RBM20: variants seen among roughly 807,000 people sequenced by gnomAD.
RBM20 encodes RNA-binding protein 20.
In RBM20, 51 loss-of-function variants were observed where a neutral mutation model predicts 110.1. The observed-to-expected ratio is 0.46, with a 90% CI of 0.37 to 0.59. The LOEUF (loss-of-function observed/expected upper bound fraction) is 0.59. Among genes scored for constraint, RBM20 ranks in the 20% least tolerant of loss-of-function variants. The pLI is 0.00. For missense variants in RBM20, 1,512 were observed against 1,574.9 expected (o/e 0.96, Z 0.68); for synonymous variants, 589 against 618.2 (o/e 0.95, Z 0.70).
chr10:110,824,870 T>C (rs1015518059), intron 12 of RBM20, among the ~76,000 whole-genome samples: 1 of 152,082 alleles, frequency 6.6e-6, no homozygotes, highest in Non-Finnish European at 1.5e-5. Flanking sequence ...AAAGCACGGG[T>C]CATCTGATGC....
chr10:110,796,600 A>T (rs1442010050), intron 5 of RBM20, among the ~76,000 whole-genome samples: 1 of 152,214 alleles, frequency 6.6e-6, no homozygotes, highest in Non-Finnish European at 1.5e-5. Context: ...AAATTAAAAA[A>T]TCAGCTGGGT....
intron 1 of RBM20, among the ~76,000 whole-genome samples, chr10:110,649,116 A>G (rs1448686540): frequency 6.6e-6 from 1 of 152,184 alleles, no homozygotes; most frequent in Non-Finnish European, 1.5e-5. Flanking sequence ...GTGAACTCTG[A>G]TCTGTTAAGA....
At position 110,765,507 on chromosome 10, in the gene RBM20, T is replaced by C. The variant is rs377030074; in HGVS notation, c.192-15294T>C. Among the ~76,000 whole-genome samples, 613 of 152,300 alleles carry C rather than the reference T, an allele frequency of 4.0e-3. 5 individuals carry two copies. Among genetic ancestry groups the C allele is most frequent in the African/African-American group, 0.014 (583 of 41,552 alleles). On this transcript the variant is annotated intron_variant, in intron 1 of 13. Transcript: ENST00000369519. ...GTAAAGTTAAGTGTTTAAACAAAAC[T>C]ATTTTCATTGTCGCCAAGCAAGCAA...
chr10:110,786,723 G>A (rs1844423548), intron 5 of RBM20, among the ~76,000 whole-genome samples: 1 of 152,244 alleles, frequency 6.6e-6, no homozygotes, highest in African/African-American at 2.4e-5. Flanking sequence ...GTGTCCTGAT[G>A]GGGGTGTGGG....
chr10:110,741,008 G>A (rs1014819096), intron 1 of RBM20, among the ~76,000 whole-genome samples: 2 of 151,942 alleles, frequency 1.3e-5, no homozygotes, highest in African/African-American at 4.8e-5. Flanking sequence ...TTTTTGATTG[G>A]GTGGCATTCA....
At chr10:110,661,601 C>A (rs1348307813) in intron 1 of RBM20, among the ~76,000 whole-genome samples, 2 of 152,160 alleles carry the variant, frequency 1.3e-5, no homozygotes, top group East Asian at 1.9e-4. Context: ...GGGCAAAAAT[C>A]AGGGTGTGGA....
chr10:110,756,975 G>A (rs1258803648), intron 1 of RBM20, among the ~76,000 whole-genome samples: 1 of 152,192 alleles, frequency 6.6e-6, no homozygotes, highest in Non-Finnish European at 1.5e-5. Flanking sequence ...CAATTGCCAT[G>A]TGCTCTTTCA....
intron 11 of RBM20, among the ~76,000 whole-genome samples, chr10:110,822,803 C>G (rs1431559370): frequency 6.6e-6 from 1 of 152,164 alleles, no homozygotes; most frequent in East Asian, 1.9e-4. Context: ...TTTTCCATGT[C>G]AAGCTGACCT....
intron 1 of RBM20, among the ~76,000 whole-genome samples, chr10:110,719,652 G>C (rs949596377): frequency 6.6e-6 from 1 of 151,954 alleles, no homozygotes; most frequent in Non-Finnish European, 1.5e-5. Flanking sequence ...TGGCTTCTGA[G>C]TTTTGTGTCT....
At position 110,669,703 on chromosome 10, in the gene RBM20, T is replaced by A. The variant is rs1293091538; in HGVS notation, c.191+25058T>A. On this transcript the variant is annotated intron_variant, in intron 1 of 13. Transcript: ENST00000369519. The stretch of plus-strand genomic sequence containing the variant: ...TCCCAAAGTGTTGGGATTACAGGCA[T>A]GAGCCACTGTATCTGGCCTGGTTGT... 2.0e-5 allele frequency among the ~76,000 whole-genome samples: 3 copies of A among 152,258 alleles called. No individual in the cohort carries two copies. In the East Asian group the frequency reaches 5.8e-4, roughly 29 times the overall value.
Position 110,644,709 on chromosome 10 carries a change from T to A in RBM20, c.191+64T>A, listed in dbSNP as rs1861843724. The A allele has an allele frequency of 4.8e-6, 6 of 1,247,786 alleles. No homozygotes were observed. The allele number at this position is 1,247,786 out of a possible 1,614,324, so 77.3% of individuals were successfully genotyped here. On this transcript the variant is annotated intron_variant, in intron 1 of 13. Transcript: ENST00000369519. This position sits in a 1 kb window ranked among gnomAD's most constrained non-coding sequence, Gnocchi z 4.3. The stretch of plus-strand genomic sequence containing the variant: ...TGGGGACACGCCCCGAGAGCCCCCT[T>A]TGTGGCTTCATTTCCCGTCCCTGCT...
At chr10:110,787,591 G>T (rs1195948774) in intron 5 of RBM20, among the ~76,000 whole-genome samples, 6 of 152,220 alleles carry the variant, frequency 3.9e-5, no homozygotes, top group South Asian at 2.1e-4. Flanking sequence ...ATGTTTTGAG[G>T]TTCCCATGGA....
intron 13 of RBM20, chr10:110,835,328 CTTT>C (rs1318271687): frequency 2.8e-5 from 3 of 106,682 alleles, no homozygotes; most frequent in Non-Finnish European, 5.4e-5. Flanking sequence ...TTCTTTTTTT[CTTT>C]TTTTTTTCTT....
At position 110,821,602 on chromosome 10, in the gene RBM20, ATGGACG is replaced by A; in HGVS notation, c.2988_2993del (p.Asp996_Val997del). The A allele has an allele frequency of 6.4e-7, 1 of 1,551,298 alleles. No individual in the cohort carries two copies. Among genetic ancestry groups the A allele is most frequent in the Non-Finnish European group, 8.7e-7 (1 of 1,146,488 alleles). ...TGCTTCCACAAGCTGTCCCAGTGAC[ATGGACG>A]TGGAAATGCCTGGCCTAAATCTGGA... is the stretch of plus-strand genomic sequence containing the variant. On this transcript the variant is annotated inframe_deletion, in exon 11 of 14. Transcript: ENST00000369519.
chr10:110,747,109 G>A (rs1345837589), intron 1 of RBM20, among the ~76,000 whole-genome samples: 1 of 152,152 alleles, frequency 6.6e-6, no homozygotes. Flanking sequence ...CATTGGGGAA[G>A]ATAGGAGATA....
intron 1 of RBM20, among the ~76,000 whole-genome samples, chr10:110,679,605 T>C (rs138817325): frequency 1.4e-4 from 22 of 152,376 alleles, no homozygotes; most frequent in African/African-American, 5.0e-4. Flanking sequence ...TTTGGTTTCC[T>C]GCTTATGGTG....
In RBM20 at chr10:110,823,507, C is replaced by T. The variant is rs769531546; in HGVS notation, c.3344C>T (p.Ser1115Phe). The change falls in exon 12 of 14, where the codon TCT (serine) becomes TTT (phenylalanine). Residue 1115 changes from serine (S) to phenylalanine (F), a missense_variant. By Grantham distance (155) the Ser-to-Phe change is radical. Coordinates refer to ENST00000369519, the MANE Select transcript of RBM20 (RefSeq NM_001134363.3). ...PENSRYVEMK[S>F]LEVRSPEYTE... ...AACTCCAGGTACGTGGAAATGAAAT[C>T]TCTGGAGGTGAGGTCACCAGAGTAC... is the stretch of plus-strand genomic sequence containing the variant. 20 of 1,479,414 alleles carry T rather than the reference C, an allele frequency of 1.4e-5. No homozygotes were observed. The highest frequency in any genetic ancestry group is 2.2e-5 in the Admixed American group (1 of 45,260). 91.6% of individuals were successfully genotyped at this position (1,479,414 alleles called of 1,614,324 possible).
At chr10:110,753,946 C>T (rs1843891473) in intron 1 of RBM20, among the ~76,000 whole-genome samples, 1 of 152,198 alleles carries the variant, frequency 6.6e-6, no homozygotes, top group Non-Finnish European at 1.5e-5. Context: ...GCCTGTATAA[C>T]ACTTCTGACT....
At chr10:110,687,515 A>G (rs1459915162) in intron 1 of RBM20, among the ~76,000 whole-genome samples, 1 of 152,264 alleles carries the variant, frequency 6.6e-6, no homozygotes, top group Admixed American at 6.5e-5. Context: ...GTAAATCTAA[A>G]CGAGCAAAAA....
Sources: gnomAD v4.1 joint callset for allele counts (sites outside exome capture counted in the v4.1 genomes callset) on GRCh38, gnomAD v4.1.1 for gene constraint, Gnocchi (gnomAD v3.1) non-coding constraint, MANE v1.5 for transcripts, NCBI Gene and HGNC (gene_info 2026-07-23, HGNC 2026-07-21) for gene names.